Variants in TFDP1 observed in about 807,000 individuals in gnomAD.
TFDP1 encodes the protein DRTF1-polypeptide 1.
A neutral mutation model predicts 48.0 loss-of-function variants in TFDP1; 6 were observed. The observed-to-expected ratio is 0.13, with a 90% CI of 0.07 to 0.25. The LOEUF (loss-of-function observed/expected upper bound fraction) is 0.25, where lower values mean the gene tolerates loss of function less well. TFDP1 is among the 10% of genes least tolerant of loss of function. The probability of loss-of-function intolerance (pLI) is 1.00; values close to 1 mark genes in which losing one functional copy is unlikely to be tolerated. For missense variants in TFDP1, 335 were observed against 543.0 expected, an observed-to-expected ratio of 0.62 and a Z score of 3.81; for synonymous variants, 201 against 211.6, an observed-to-expected ratio of 0.95 and a Z score of 0.44.
At chr13:113,588,042 G>T (rs1028154834) in intron 2 of TFDP1, among the ~76,000 whole-genome samples, 1 of 152,046 alleles carries the variant, frequency 6.6e-6, no homozygotes, top group Non-Finnish European at 1.5e-5. Flanking sequence ...TAGACACGGG[G>T]TTTCACCATG....
intron 2 of TFDP1, among the ~76,000 whole-genome samples, chr13:113,593,319 C>T (rs1328160536): frequency 7.0e-5 from 9 of 128,356 alleles, no homozygotes; most frequent in African/African-American, 2.3e-4. Context: ...GTGGTGTGCG[C>T]AGGTCCTCAG....
chr13:113,622,850 C>G (rs2049028275), intron 3 of TFDP1, among the ~76,000 whole-genome samples: 1 of 152,268 alleles, frequency 6.6e-6, no homozygotes, highest in Admixed American at 6.5e-5. Flanking sequence ...AAATTCTGTT[C>G]CATAATTGTC....
chr13:113,626,838 A>G (rs2049192462), intron 4 of TFDP1, among the ~76,000 whole-genome samples: 2 of 152,172 alleles, frequency 1.3e-5, no homozygotes, highest in South Asian at 4.1e-4. Flanking sequence ...TCTAAGTTTG[A>G]TTTTATAGGT....
At position 113,623,660 on chromosome 13, in the gene TFDP1, T is replaced by G. The variant is rs1464827666; in HGVS notation, c.186+374T>G. The stretch of plus-strand genomic sequence containing the variant: ...ACGTGATGTGGCCGAGCGTTGGCTG[T>G]GGCCCTCCTGGAGACATCAGGCTGG... On this transcript the variant is annotated intron_variant, in intron 4 of 11. Transcript: ENST00000375370. This position sits in a 1 kb window ranked among gnomAD's most constrained non-coding sequence, Gnocchi z 5.2. 6.6e-6 allele frequency among the ~76,000 whole-genome samples: 1 copy of G among 152,196 alleles called. No homozygotes were observed. The highest frequency in any genetic ancestry group is 2.4e-5 in the African/African-American group (1 of 41,450).
chr13:113,591,026 A>AAAAAG (rs1566632662), intron 2 of TFDP1, among the ~76,000 whole-genome samples: 29 of 145,548 alleles, frequency 2.0e-4, no homozygotes, highest in African/African-American at 7.2e-4. Context: ...AAAAAAAAAA[A>AAAAAG]AAAAGAAAAA....
chr13:113,614,214 TATG>T (rs1486015141), intron 3 of TFDP1, among the ~76,000 whole-genome samples: 3 of 151,670 alleles, frequency 2.0e-5, no homozygotes, highest in East Asian at 1.9e-4. Flanking sequence ...GCGAGTTGAG[TATG>T]ATGTGTGTGC....
At chr13:113,613,436 A>G (rs1031266364) in intron 3 of TFDP1, among the ~76,000 whole-genome samples, 4 of 152,246 alleles carry the variant, frequency 2.6e-5, no homozygotes, top group Non-Finnish European at 5.9e-5. Flanking sequence ...GTGAGCACCA[A>G]TGTTCACTTC....
At chr13:113,625,379 C>T (rs1232886201) in intron 4 of TFDP1, among the ~76,000 whole-genome samples, 3 of 120,566 alleles carry the variant, frequency 2.5e-5, no homozygotes, top group East Asian at 3.0e-4. Flanking sequence ...GCGTCTCTCA[C>T]GTGTCCTCAG....
intron 2 of TFDP1, among the ~76,000 whole-genome samples, chr13:113,597,335 T>C (rs922928393): frequency 3.9e-5 from 6 of 152,222 alleles, no homozygotes; most frequent in African/African-American, 1.4e-4. Flanking sequence ...GCTGGCGGTA[T>C]ACTCGGGCGA....
intron 2 of TFDP1, among the ~76,000 whole-genome samples, chr13:113,606,034 A>G (rs1466427529): frequency 8.3e-3 from 442 of 53,478 alleles, no homozygotes; most frequent in Middle Eastern, 0.042. Flanking sequence ...CGGCGCGGTG[A>G]TGAGTGTCCG....
At chr13:113,639,216 A>C (rs145732519) in intron 11 of TFDP1, among the ~76,000 whole-genome samples, 2 of 152,352 alleles carry the variant, frequency 1.3e-5, no homozygotes, top group African/African-American at 2.4e-5. Context: ...AAACATGTTT[A>C]ATGCTGCTTC....
chr13:113,637,318 TGAGAG>T, intron 10 of TFDP1: 1 of 301,526 alleles, frequency 3.3e-6, no homozygotes, highest in Non-Finnish European at 6.4e-6. Flanking sequence ...ATTTATTCCC[TGAGAG>T]GGTCAGAGAT....
intron 3 of TFDP1, among the ~76,000 whole-genome samples, chr13:113,621,740 G>A (rs145170769): frequency 8.7e-4 from 132 of 152,298 alleles, no homozygotes; most frequent in African/African-American, 3.1e-3. Context: ...GTGGTCTAGC[G>A]GTAGCCTCAG....
intron 3 of TFDP1, among the ~76,000 whole-genome samples, chr13:113,613,379 T>C (rs567858762): frequency 3.9e-5 from 6 of 152,262 alleles, no homozygotes; most frequent in Non-Finnish European, 8.8e-5. Context: ...TTTTGAAGTA[T>C]GAAAAGGTGC....
At chr13:113,609,715 G>A (rs190632363) in intron 2 of TFDP1, among the ~76,000 whole-genome samples, 3 of 152,224 alleles carry the variant, frequency 2.0e-5, no homozygotes, top group East Asian at 1.9e-4. Context: ...GGGTTGTGGC[G>A]TCTCCTTGTT....
intron 3 of TFDP1, among the ~76,000 whole-genome samples, chr13:113,615,414 AC>A (rs1196147216): frequency 1.1e-4 from 17 of 152,080 alleles, no homozygotes; most frequent in Non-Finnish European, 7.4e-5. Flanking sequence ...TCTGAGGGTG[AC>A]CTGGCCCCAT....
rs190106535 is a variant in TFDP1 at position 113,621,709 on chromosome 13, A to G, written c.80-1471A>G. Among the ~76,000 whole-genome samples the G allele has an allele frequency of 1.2e-3, 182 of 152,360 alleles. 1 individual carries two copies. The highest frequency in any genetic ancestry group is 4.2e-3 in the African/African-American group (175 of 41,588). On this transcript the variant is annotated intron_variant, in intron 3 of 11. Transcript: ENST00000375370. ...AGCGGTAACGCCAGCGTCTGGGAAGATGTCCGTTGCCAGGTGGACTGTGGT... is the reference window on the plus strand; with the variant it reads ...AGCGGTAACGCCAGCGTCTGGGAAGGTGTCCGTTGCCAGGTGGACTGTGGT...
At chr13:113,610,306 C>T (rs779855138) in intron 2 of TFDP1, among the ~76,000 whole-genome samples, 3 of 151,900 alleles carry the variant, frequency 2.0e-5, no homozygotes, top group Non-Finnish European at 2.9e-5. Flanking sequence ...TGTACTGTCA[C>T]GTGTGTGCCC....
intron 1 of TFDP1, among the ~76,000 whole-genome samples, 156 bp downstream of exon 1, chr13:113,585,044 G>A (rs1399194175): frequency 6.8e-6 from 1 of 146,760 alleles, no homozygotes; most frequent in Non-Finnish European, 1.5e-5. Flanking sequence ...GTGCCTCGGG[G>A]ACCCCGCGCG....
Sources: allele counts gnomAD v4.1 joint callset (sites outside exome capture counted in the v4.1 genomes callset), GRCh38; gene constraint gnomAD v4.1.1; non-coding constraint Gnocchi (gnomAD v3.1); transcripts MANE v1.5; gene names NCBI Gene and HGNC (gene_info 2026-07-23, HGNC 2026-07-21).